Variants in DNAJC15 observed in about 807,000 individuals in gnomAD.
The protein encoded by DNAJC15 is DnaJ heat shock protein family (Hsp40) member C15.
A neutral mutation model predicts 22.4 loss-of-function variants in DNAJC15; 27 were observed. That is an observed-to-expected ratio of 1.20 (90% CI 0.89 to 1.66). The LOEUF is 1.66. Ranked by LOEUF, DNAJC15 falls within the 40% of genes most tolerant of loss-of-function variation. DNAJC15 has a pLI of 0.00. For missense variants in DNAJC15, 208 were observed against 187.1 expected (o/e 1.11, Z -0.65); for synonymous variants, 79 against 63.2 (o/e 1.25, Z -1.19).
intron 5 of DNAJC15, among the ~76,000 whole-genome samples, chr13:43,100,347 A>G (rs2040761589): frequency 6.6e-6 from 1 of 151,652 alleles, no homozygotes; most frequent in Non-Finnish European, 1.5e-5. Context: ...AGCTGGGACT[A>G]TAGGCACATG....
chr13:43,085,934 A>G, intron 5 of DNAJC15, 96 bp downstream of exon 5: 1 of 1,113,060 alleles, frequency 9.0e-7, no homozygotes, highest in Non-Finnish European at 1.3e-6. Context: ...TTGAGATGGA[A>G]GTTTGTGCGC....
chr13:43,092,193 C>T (rs564929780), intron 5 of DNAJC15, among the ~76,000 whole-genome samples: 1 of 152,218 alleles, frequency 6.6e-6, no homozygotes, highest in African/African-American at 2.4e-5. Flanking sequence ...ATTGTTAAAT[C>T]TTACATATGG....
At chr13:43,074,068 GA>G (rs920767806) in intron 3 of DNAJC15, among the ~76,000 whole-genome samples, 4 of 151,646 alleles carry the variant, frequency 2.6e-5, no homozygotes, top group African/African-American at 4.8e-5. Flanking sequence ...GAAATTTATG[GA>G]AAAATATACT....
At chr13:43,101,903 G>A (rs896656463) in intron 5 of DNAJC15, among the ~76,000 whole-genome samples, 1 of 152,162 alleles carries the variant, frequency 6.6e-6, no homozygotes, top group African/African-American at 2.4e-5. Context: ...ATGTGTGCAA[G>A]TGTCTTTTTC....
chr13:43,086,045 T>C (rs1363834437), intron 5 of DNAJC15, among the ~76,000 whole-genome samples: 2 of 152,214 alleles, frequency 1.3e-5, no homozygotes, highest in African/African-American at 4.8e-5. Flanking sequence ...AAGAACTTAG[T>C]TGCTGGTTTT....
At chr13:43,064,557 C>G (rs2040574029) in intron 1 of DNAJC15, among the ~76,000 whole-genome samples, 1 of 152,194 alleles carries the variant, frequency 6.6e-6, no homozygotes, top group Non-Finnish European at 1.5e-5. Context: ...TGTGGTTTCA[C>G]TTCTTAATTT....
intron 1 of DNAJC15, among the ~76,000 whole-genome samples, chr13:43,027,263 C>T (rs767821694): frequency 3.3e-5 from 5 of 152,062 alleles, no homozygotes; most frequent in Non-Finnish European, 7.4e-5. Flanking sequence ...ATTTTAAGTT[C>T]CGGGGTACAT....
rs2040819934 is a variant in DNAJC15 at position 43,110,572 on chromosome 13, A to G, written c.*3324A>G. 6.6e-6 allele frequency: 1 copy of G among 152,168 alleles called. No homozygotes were observed. The highest frequency in any genetic ancestry group is 2.1e-4 in the South Asian group (1 of 4,830). The allele number at this position is 152,168 out of a possible 1,614,324, so 9.4% of individuals were successfully genotyped here. A position where few individuals can be genotyped will look rare whatever the true frequency, so the allele number is the denominator to read the frequency against. ...GCCCAGAAAGTTTCAGATAATAAAT[A>G]CAACTATTTTTCTGCTGTTACCCTT... On this transcript the variant is annotated 3_prime_UTR_variant, in exon 6 of 6. Transcript: ENST00000379221.
In DNAJC15 at chr13:43,110,702, A is replaced by G. The variant is rs932762728; in HGVS notation, c.*3454A>G. 6.6e-6 allele frequency: 1 copy of G among 152,204 alleles called. No homozygotes were observed. The highest frequency in any genetic ancestry group is 2.4e-5 in the African/African-American group (1 of 41,432). 9.4% of individuals were successfully genotyped at this position (152,204 alleles called of 1,614,324 possible). On this transcript the variant is annotated 3_prime_UTR_variant, in exon 6 of 6. Transcript: ENST00000379221. ...TTCTGGTGCATCCAGCAAAAGTAAT[A>G]TCATGAATTATGAGCTCTCTGAGAG...
At position 43,036,936 on chromosome 13, in the gene DNAJC15, A is replaced by G. The variant is rs75482310; in HGVS notation, c.108+13202A>G. Among the ~76,000 whole-genome samples, 667 of 152,344 alleles carry G rather than the reference A, an allele frequency of 4.4e-3. 21 individuals carry two copies. In the East Asian group the frequency reaches 0.055, roughly 13 times the overall value. On this transcript the variant is annotated intron_variant, in intron 1 of 5. Transcript: ENST00000379221. Reference sequence around the variant, plus strand: ...TCGGGAGAGGCCAGGCAGTGGGAGCAGGCATTTCTAAGCCTGTAGGGGCAG... The same window carrying G: ...TCGGGAGAGGCCAGGCAGTGGGAGCGGGCATTTCTAAGCCTGTAGGGGCAG...
intron 1 of DNAJC15, among the ~76,000 whole-genome samples, chr13:43,041,252 C>G (rs1164954131): frequency 2.0e-5 from 3 of 152,176 alleles, no homozygotes; most frequent in Non-Finnish European, 4.4e-5. Context: ...GGTGATGACT[C>G]TTAACCACTG....
chr13:43,051,193 G>A (rs2040501228), intron 1 of DNAJC15, among the ~76,000 whole-genome samples: 1 of 152,066 alleles, frequency 6.6e-6, no homozygotes, highest in East Asian at 1.9e-4. Context: ...AGCAAGGCTG[G>A]TCTCGAACTC....
At chr13:43,067,537 C>T (rs1026457768) in intron 2 of DNAJC15, among the ~76,000 whole-genome samples, 4 of 152,060 alleles carry the variant, frequency 2.6e-5, no homozygotes, top group African/African-American at 4.8e-5. Flanking sequence ...TTTCCAGGGT[C>T]GTCTTTGTAA....
At chr13:43,059,527 G>A (rs1325766363) in intron 1 of DNAJC15, among the ~76,000 whole-genome samples, 1 of 152,102 alleles carries the variant, frequency 6.6e-6, no homozygotes, top group Non-Finnish European at 1.5e-5. Flanking sequence ...ACCATGCCTG[G>A]CTAATTTTGT....
intron 5 of DNAJC15, among the ~76,000 whole-genome samples, chr13:43,106,794 T>C (rs2040798840): frequency 1.5e-5 from 2 of 137,848 alleles, no homozygotes; most frequent in Admixed American, 7.1e-5. Context: ...GATGAATGTG[T>C]CTTTAAAAAA....
At chr13:43,087,684 C>G (rs935492141) in intron 5 of DNAJC15, among the ~76,000 whole-genome samples, 5 of 152,146 alleles carry the variant, frequency 3.3e-5, no homozygotes, top group African/African-American at 1.2e-4. Context: ...CCCACCCACC[C>G]CCAAGGAACT....
intron 1 of DNAJC15, among the ~76,000 whole-genome samples, chr13:43,040,865 C>A (rs1403755406): frequency 6.6e-6 from 1 of 152,188 alleles, no homozygotes; most frequent in Non-Finnish European, 1.5e-5. Flanking sequence ...TATGCATACA[C>A]ATAAACATCT....
In DNAJC15 at chr13:43,091,839, T is replaced by A. The variant is rs74060799; in HGVS notation, c.382+6001T>A. Among the ~76,000 whole-genome samples, 357 of 152,306 alleles carry A rather than the reference T, an allele frequency of 2.3e-3. 3 individuals are homozygous for A. The highest frequency in any genetic ancestry group is 7.8e-3 in the African/African-American group (323 of 41,578). On this transcript the variant is annotated intron_variant, in intron 5 of 5. Coordinates refer to ENST00000379221, the MANE Select transcript of DNAJC15 (RefSeq NM_013238.3). ...CCCTCATTTTTTAACAATAGAGGGT[T>A]TTGTAGTTATCTCTATAGTATTGAT...
intron 3 of DNAJC15, 111 bp from the exon 4 acceptor site, chr13:43,078,501 A>T: frequency 1.4e-6 from 1 of 725,356 alleles, no homozygotes; most frequent in Non-Finnish European, 2.2e-6. Context: ...CATAATTTTG[A>T]GTTGACTTCT....
Sources: gnomAD v4.1 joint callset for allele counts (sites outside exome capture counted in the v4.1 genomes callset) on GRCh38, gnomAD v4.1.1 for gene constraint, MANE v1.5 for transcripts, NCBI Gene and HGNC (gene_info 2026-07-23, HGNC 2026-07-21) for gene names.